ARMC3: variants seen among roughly 807,000 people sequenced by gnomAD.
The protein encoded by ARMC3 is armadillo repeat containing 3, also known as armadillo repeat-containing protein 3.
In ARMC3, 74 loss-of-function variants were observed where a neutral mutation model predicts 90.3. The ratio of observed to expected loss-of-function variants is 0.82; its 90% CI spans 0.68 to 0.99. ARMC3 has a LOEUF of 0.99. Ranked by LOEUF, ARMC3 falls within the 50% of genes least tolerant of loss-of-function variation. ARMC3 has a pLI of 0.00. For synonymous variants in ARMC3, 334 were observed against 361.8 expected, an observed-to-expected ratio of 0.92 and a Z score of 0.87; for missense variants, 958 against 1,042.8, an observed-to-expected ratio of 0.92 and a Z score of 1.12.
intron 2 of ARMC3, among the ~76,000 whole-genome samples, chr10:22,945,876 T>A (rs992105524): frequency 6.6e-6 from 1 of 152,228 alleles, no homozygotes; most frequent in South Asian, 2.1e-4. Context: ...ATAATTCATT[T>A]GATTCCACAT....
In ARMC3 at chr10:22,959,426, G is replaced by A; in HGVS notation, c.389G>A (p.Ser130Asn). Residue 130 changes from serine (S) to asparagine (N), a missense_variant, in exon 6 of 19, where the codon AGT becomes AAT. Coordinates refer to ENST00000298032, the MANE Select transcript of ARMC3 (RefSeq NM_173081.5). ...GAAGTAGTTATCCATGAGTTTGCTA[G>A]TCTTTGTCTAGCAAACATGTCTGCA... ...EEEVVIHEFA[S>N]LCLANMSAEY... The A allele has an allele frequency of 6.2e-7, 1 of 1,607,380 alleles. No homozygotes were observed. The highest frequency in any genetic ancestry group is 2.2e-5 in the East Asian group (1 of 44,828).
At chr10:23,025,446 C>A (rs147324200) in intron 16 of ARMC3, among the ~76,000 whole-genome samples, 3 of 151,840 alleles carry the variant, frequency 2.0e-5, no homozygotes, top group Non-Finnish European at 4.4e-5. Context: ...AGAAATACAA[C>A]AAGAAAATCT....
At position 23,038,080 on chromosome 10, in the gene ARMC3, GT is replaced by G. The variant is rs1289054166; in HGVS notation, c.*605del. 6.6e-6 allele frequency: 1 copy of G among 152,062 alleles called. No homozygotes were observed. Among genetic ancestry groups the G allele is most frequent in the African/African-American group, 2.4e-5 (1 of 41,398 alleles). The allele number at this position is 152,062 out of a possible 1,614,324, so 9.4% of individuals were successfully genotyped here. A position where few individuals can be genotyped will look rare whatever the true frequency, so the allele number is the denominator to read the frequency against. Reference sequence around the variant, plus strand: ...TTCTAAAGTATATTTCCATAAAATGGTTTTGGTTTCATCTTGTCTGTGTTAG... The same window carrying G: ...TTCTAAAGTATATTTCCATAAAATGGTTTGGTTTCATCTTGTCTGTGTTAG... On this transcript the variant is annotated 3_prime_UTR_variant, in exon 19 of 19. Coordinates refer to ENST00000298032, the MANE Select transcript of ARMC3 (RefSeq NM_173081.5).
chr10:23,001,143 G>A (rs1042908604), intron 11 of ARMC3, among the ~76,000 whole-genome samples: 3 of 152,108 alleles, frequency 2.0e-5, no homozygotes, highest in African/African-American at 7.2e-5. Context: ...ACAGTGACAT[G>A]GGGGGGTCCT....
chr10:23,026,716 T>C (rs1838728402), intron 16 of ARMC3, among the ~76,000 whole-genome samples: 1 of 152,182 alleles, frequency 6.6e-6, no homozygotes, highest in Non-Finnish European at 1.5e-5. Flanking sequence ...CCAATCATTT[T>C]ATTCAAGTTT....
chr10:22,935,150 C>T (rs937178412), intron 2 of ARMC3, among the ~76,000 whole-genome samples: 21 of 152,176 alleles, frequency 1.4e-4, no homozygotes, highest in Non-Finnish European at 1.3e-4. Context: ...TCAGGACTTT[C>T]TTTCCTTAGT....
At chr10:22,964,615 T>A (rs1379706767) in intron 7 of ARMC3, among the ~76,000 whole-genome samples, 1 of 151,958 alleles carries the variant, frequency 6.6e-6, no homozygotes, top group African/African-American at 2.4e-5. Context: ...ATTTTTGTAT[T>A]TTTGGTTGGG....
chr10:23,030,398 G>A (rs532172957), intron 16 of ARMC3, among the ~76,000 whole-genome samples, 198 bp from the exon 17 acceptor site: 20 of 152,040 alleles, frequency 1.3e-4, no homozygotes, highest in African/African-American at 3.4e-4. Flanking sequence ...TGTGGAATGC[G>A]GAACCCATGG....
chr10:23,035,264 G>T (rs1366598377), intron 18 of ARMC3, among the ~76,000 whole-genome samples: 1 of 152,076 alleles, frequency 6.6e-6, no homozygotes, highest in East Asian at 1.9e-4. Flanking sequence ...CTACCCTCAT[G>T]ACCTCATCTA....
At chr10:23,014,021 A>G in intron 16 of ARMC3, 1 of 1,503,182 alleles carries the variant, frequency 6.7e-7, no homozygotes, top group Non-Finnish European at 9.1e-7. Flanking sequence ...TCCAGGGAGA[A>G]CAAATATAAA....
At chr10:22,959,665 CCA>C in intron 6 of ARMC3, 91 bp downstream of exon 6, 1 of 1,283,688 alleles carries the variant, frequency 7.8e-7, no homozygotes, top group East Asian at 2.6e-5. Context: ...TAAAAATGCA[CCA>C]GTTTTGCATC....
chr10:22,934,731 A>C (rs1210586946), intron 2 of ARMC3, among the ~76,000 whole-genome samples: 1 of 152,194 alleles, frequency 6.6e-6, no homozygotes, highest in Non-Finnish European at 1.5e-5. Flanking sequence ...ATACCCACTC[A>C]CATCAGTGAA....
chr10:22,999,539 C>G (rs892859088), intron 11 of ARMC3, among the ~76,000 whole-genome samples: 1 of 152,208 alleles, frequency 6.6e-6, no homozygotes, highest in African/African-American at 2.4e-5. Context: ...ATAAAAATAA[C>G]AAAACCAACG....
intron 10 of ARMC3, among the ~76,000 whole-genome samples, chr10:22,989,025 T>C (rs1444766207): frequency 6.6e-6 from 1 of 152,194 alleles, no homozygotes. Context: ...GAGTTCCATT[T>C]TCTAACAATG....
At chr10:22,959,929 T>C (rs1835121495) in intron 6 of ARMC3, 1 of 446,938 alleles carries the variant, frequency 2.2e-6, no homozygotes. Context: ...ACATTGGATG[T>C]AATATATACC....
intron 17 of ARMC3, among the ~76,000 whole-genome samples, chr10:23,032,531 G>C (rs978142449): frequency 1.3e-5 from 2 of 152,004 alleles, no homozygotes; most frequent in East Asian, 1.9e-4. Context: ...TACTTTTCAA[G>C]AGTAAGAAAA....
chr10:23,009,365 G>T (rs764602128), intron 16 of ARMC3, among the ~76,000 whole-genome samples: 1 of 152,124 alleles, frequency 6.6e-6, no homozygotes, highest in African/African-American at 2.4e-5. Flanking sequence ...TTGCTTCCAC[G>T]GCCCTCCCCA....
chr10:22,997,292 T>C (rs1455328258), intron 10 of ARMC3: 1 of 152,220 alleles, frequency 6.6e-6, no homozygotes, highest in African/African-American at 2.4e-5. Flanking sequence ...TCTTGGAAGC[T>C]AAGCAGGGTG....
At chr10:22,963,391 T>C (rs564720661) in intron 7 of ARMC3, among the ~76,000 whole-genome samples, 4 of 152,226 alleles carry the variant, frequency 2.6e-5, no homozygotes, top group Admixed American at 6.5e-5. Context: ...TTTTAAGAAC[T>C]GGTATGTATA....
Sources: allele counts gnomAD v4.1 joint callset (sites outside exome capture counted in the v4.1 genomes callset), GRCh38; gene constraint gnomAD v4.1.1; transcripts MANE v1.5; gene names NCBI Gene and HGNC (gene_info 2026-07-23, HGNC 2026-07-21).